The following CTIF variants were observed in gnomAD, a reference collection of about 807,000 sequenced individuals.
CTIF encodes cap binding complex dependent translation initiation factor, also known as CBP80/20-dependent translation initiation factor.
A neutral mutation model predicts 66.0 loss-of-function variants in CTIF; 21 were observed. The ratio of observed to expected loss-of-function variants is 0.32; its 90% CI spans 0.23 to 0.46. The LOEUF (loss-of-function observed/expected upper bound fraction) is 0.46. Ranked by LOEUF, CTIF falls within the 20% of genes least tolerant of loss-of-function variation. The pLI is 1.00. For missense variants in CTIF, 739 were observed against 812.7 expected, an observed-to-expected ratio of 0.91 and a Z score of 1.10; for synonymous variants, 345 against 326.4, an observed-to-expected ratio of 1.06 and a Z score of -0.62.
chr18:48,601,592 C>T (rs1257941653), intron 1 of CTIF, among the ~76,000 whole-genome samples: 2 of 152,186 alleles, frequency 1.3e-5, no homozygotes, highest in African/African-American at 4.8e-5. Context: ...GAAATGCAGT[C>T]TCAGGACAGC....
intron 7 of CTIF, among the ~76,000 whole-genome samples, chr18:48,721,754 C>CG (rs896031667): frequency 1.3e-5 from 2 of 151,862 alleles, no homozygotes; most frequent in Non-Finnish European, 2.9e-5. Context: ...CGTGCATCCC[C>CG]CCCTCTCTGT....
intron 8 of CTIF, chr18:48,760,063 G>A (rs753197288): frequency 3.3e-5 from 5 of 152,138 alleles, no homozygotes; most frequent in Non-Finnish European, 7.4e-5. Flanking sequence ...TGTCTCTTGG[G>A]GTGGGGATTT....
intron 3 of CTIF, among the ~76,000 whole-genome samples, chr18:48,640,325 C>G (rs548604128): frequency 6.6e-6 from 1 of 152,348 alleles, no homozygotes; most frequent in African/African-American, 2.4e-5. Context: ...AACCCTAAGA[C>G]GGGAGTCAGG....
At chr18:48,646,901 CAAAAAAAAAAAAAA>C (rs35904615) in intron 3 of CTIF, among the ~76,000 whole-genome samples, 11 of 77,970 alleles carry the variant, frequency 1.4e-4, no homozygotes, top group Non-Finnish European at 1.8e-4. Flanking sequence ...TTGGCAGTTT[CAAAAAAAAAAAAAA>C]AAAAAAAAAA....
intron 1 of CTIF, among the ~76,000 whole-genome samples, chr18:48,606,670 G>A (rs918071945): frequency 6.6e-6 from 1 of 152,176 alleles, no homozygotes; most frequent in Non-Finnish European, 1.5e-5. Flanking sequence ...CAGCTTATGG[G>A]GGATGTTGGG....
At chr18:48,744,070 T>C (rs1195411705) in intron 7 of CTIF, among the ~76,000 whole-genome samples, 1 of 152,112 alleles carries the variant, frequency 6.6e-6, no homozygotes, top group Admixed American at 6.5e-5. Context: ...TTATGGTGAG[T>C]GCTGGTACAC....
chr18:48,842,389 G>A (rs2068965928), intron 10 of CTIF, among the ~76,000 whole-genome samples: 2 of 152,184 alleles, frequency 1.3e-5, no homozygotes, highest in Admixed American at 1.3e-4. Flanking sequence ...TAGAACGCAG[G>A]CCTGTGGGTG....
intron 6 of CTIF, among the ~76,000 whole-genome samples, chr18:48,676,437 TTC>T (rs1568126140): frequency 6.6e-6 from 1 of 152,204 alleles, no homozygotes; most frequent in East Asian, 1.9e-4. Context: ...CGTTTTGCCT[TTC>T]TCTTAGGAAA....
rs754107760 is a variant in CTIF at position 48,711,701 on chromosome 18, A to G, written c.584+6A>G. Reference sequence around the variant, plus strand: ...AGGAGGAGAAATGATCGAAGGTAGGAGAGACTTCGTCGTGAGCTTTGGGTT... The same window carrying G: ...AGGAGGAGAAATGATCGAAGGTAGGGGAGACTTCGTCGTGAGCTTTGGGTT... On this transcript the variant is annotated splice_donor_region_variant and intron_variant, in intron 7 of 11. Coordinates refer to ENST00000256413, the MANE Select transcript of CTIF (RefSeq NM_014772.3). 16 of 1,612,362 alleles carry G rather than the reference A, an allele frequency of 9.9e-6. No homozygotes were observed. Among genetic ancestry groups the G allele is most frequent in the African/African-American group, 2.7e-5 (2 of 74,884 alleles).
intron 10 of CTIF, among the ~76,000 whole-genome samples, chr18:48,830,011 G>T (rs1248140083): frequency 1.3e-5 from 2 of 152,164 alleles, no homozygotes; most frequent in Non-Finnish European, 2.9e-5. Context: ...TGTGGGCGGG[G>T]CCAGGCCTTT....
chr18:48,717,354 C>T (rs753483551), intron 7 of CTIF, among the ~76,000 whole-genome samples: 6 of 151,714 alleles, frequency 4.0e-5, no homozygotes, highest in Non-Finnish European at 7.4e-5. Flanking sequence ...GCCGAGATCA[C>T]GCCATTGCAC....
At chr18:48,555,954 G>A (rs958836638) in intron 1 of CTIF, among the ~76,000 whole-genome samples, 32 of 152,210 alleles carry the variant, frequency 2.1e-4, no homozygotes, top group Non-Finnish European at 4.6e-4. Flanking sequence ...TGGCTGATGG[G>A]AAATGTGTAT....
intron 7 of CTIF, among the ~76,000 whole-genome samples, chr18:48,741,285 C>T (rs59649320): frequency 4.8e-5 from 7 of 144,480 alleles, no homozygotes; most frequent in Non-Finnish European, 9.1e-5. Flanking sequence ...CCCCCGCCCC[C>T]CCTCCTTGGT....
At chr18:48,684,498 G>C (rs2091803248) in intron 6 of CTIF, among the ~76,000 whole-genome samples, 1 of 151,778 alleles carries the variant, frequency 6.6e-6, no homozygotes, top group South Asian at 2.1e-4. Flanking sequence ...TTCTTTTTAA[G>C]TATATCAATT....
At chr18:48,615,247 T>C (rs1233488148) in intron 1 of CTIF, among the ~76,000 whole-genome samples, 1 of 152,176 alleles carries the variant, frequency 6.6e-6, no homozygotes, top group African/African-American at 2.4e-5. Context: ...ATTGGGGGCC[T>C]AAGTGCCGGG....
intron 9 of CTIF, among the ~76,000 whole-genome samples, chr18:48,790,062 C>A (rs1299236745): frequency 2.6e-5 from 4 of 152,224 alleles, no homozygotes; most frequent in Non-Finnish European, 5.9e-5. Context: ...AGGAGCTAAC[C>A]CATGTTAGCC....
rs73958911 is a variant in CTIF at position 48,667,719 on chromosome 18, G to C, written c.432-2950G>C. On this transcript the variant is annotated intron_variant, in intron 5 of 11. Transcript: ENST00000256413. ...CACCAGCTGTGGGCCTAAATTCCTC[G>C]GCCAGTCTCACTTTCTCACCAGGAG... 2.9e-3 allele frequency among the ~76,000 whole-genome samples: 434 copies of C among 152,258 alleles called. 3 individuals carry two copies. Among genetic ancestry groups the C allele is most frequent in the African/African-American group, 0.01 (416 of 41,546 alleles).
intron 7 of CTIF, among the ~76,000 whole-genome samples, chr18:48,722,704 G>A (rs1322166387): frequency 6.6e-6 from 1 of 151,650 alleles, no homozygotes. Context: ...GTACCCATCA[G>A]CGCTCACAGG....
At chr18:48,641,579 GC>G (rs2090933160) in intron 3 of CTIF, among the ~76,000 whole-genome samples, 1 of 152,206 alleles carries the variant, frequency 6.6e-6, no homozygotes, top group East Asian at 1.9e-4. Flanking sequence ...TCATCCTGAC[GC>G]CCTGTAGCAA....
Sources: gnomAD v4.1 joint callset for allele counts (sites outside exome capture counted in the v4.1 genomes callset) on GRCh38, gnomAD v4.1.1 for gene constraint, MANE v1.5 for transcripts, NCBI Gene and HGNC (gene_info 2026-07-23, HGNC 2026-07-21) for gene names.